GPM6A: variants seen among roughly 807,000 people sequenced by gnomAD.
GPM6A encodes glycoprotein M6A.
GPM6A carries 7 observed loss-of-function variants against 32.1 expected under a neutral mutation model. That is an observed-to-expected ratio of 0.22 (90% CI 0.12 to 0.41). GPM6A has a LOEUF of 0.41. Among genes scored for constraint, GPM6A ranks in the 10% least tolerant of loss-of-function variants. GPM6A has a pLI of 1.00. For synonymous variants in GPM6A, 130 were observed against 123.4 expected, an observed-to-expected ratio of 1.05 and a Z score of -0.35; for missense variants, 235 against 347.2, an observed-to-expected ratio of 0.68 and a Z score of 2.57.
chr4:175,669,007 C>T (rs1231097050), intron 3 of GPM6A, among the ~76,000 whole-genome samples: 1 of 152,168 alleles, frequency 6.6e-6, no homozygotes, highest in Non-Finnish European at 1.5e-5. Context: ...CCAGGCAAGT[C>T]AGTCATCCTC....
chr4:175,745,837 T>C (rs562534156), intron 1 of GPM6A, among the ~76,000 whole-genome samples: 1 of 152,192 alleles, frequency 6.6e-6, no homozygotes, highest in Admixed American at 6.5e-5. Context: ...GGGGGTCAAG[T>C]TGGGAAGACT....
intron 1 of GPM6A, among the ~76,000 whole-genome samples, chr4:175,917,899 T>C (rs1738545871): frequency 6.6e-6 from 1 of 152,152 alleles, no homozygotes; most frequent in South Asian, 2.1e-4. Context: ...TTATAATAAT[T>C]TTTAAATAAC....
chr4:175,670,861 A>ATTCTTTTTT (rs1743017719), intron 3 of GPM6A, among the ~76,000 whole-genome samples: 1 of 124,174 alleles, frequency 8.1e-6, no homozygotes, highest in Non-Finnish European at 1.7e-5. Context: ...ATGTTGCTTC[A>ATTCTTTTTT]TTTTTTTTTT....
chr4:175,884,563 G>A (rs372675668), intron 1 of GPM6A, among the ~76,000 whole-genome samples: 8 of 151,786 alleles, frequency 5.3e-5, no homozygotes, highest in Admixed American at 6.6e-5. Context: ...ATGGAGTCTC[G>A]CTCTGTTGCC....
At chr4:175,716,245 C>G (rs957293814) in intron 1 of GPM6A, among the ~76,000 whole-genome samples, 1 of 152,114 alleles carries the variant, frequency 6.6e-6, no homozygotes, top group African/African-American at 2.4e-5. Flanking sequence ...TCCACCATGT[C>G]CAGCTTGCAG....
At chr4:175,774,692 A>G (rs1319297488) in intron 1 of GPM6A, among the ~76,000 whole-genome samples, 1 of 152,076 alleles carries the variant, frequency 6.6e-6, no homozygotes, top group African/African-American at 2.4e-5. Context: ...CAATTGAACA[A>G]CAGAGCAAAG....
rs114353284 is a variant in GPM6A, at chr4:175,668,732, C to T, written c.387+4948G>A. On this transcript the variant is annotated intron_variant, in intron 3 of 6. Transcript: ENST00000393658. ...CTTGTATTTGTGAAAAGAGACAATT[C>T]GTTATTGTTGATAAAAGCAAAGATT... Among the ~76,000 whole-genome samples the T allele has an allele frequency of 9.2e-3, 1,394 of 152,122 alleles. 24 individuals carry two copies. The highest frequency in any genetic ancestry group is 0.032 in the African/African-American group (1,318 of 41,508).
chr4:175,885,924 A>G (rs1028191643), intron 1 of GPM6A, among the ~76,000 whole-genome samples: 6 of 152,224 alleles, frequency 3.9e-5, no homozygotes, highest in Non-Finnish European at 7.3e-5. Context: ...CACAGACCAC[A>G]TAAGAAATTT....
At chr4:175,924,015 G>T (rs971921608) in intron 1 of GPM6A, among the ~76,000 whole-genome samples, 3 of 152,078 alleles carry the variant, frequency 2.0e-5, no homozygotes, top group African/African-American at 7.2e-5. Context: ...ATTTGTCCTA[G>T]GTATTTCCTT....
chr4:175,762,677 TAAACA>T (rs965131279), intron 1 of GPM6A, among the ~76,000 whole-genome samples: 3 of 151,984 alleles, frequency 2.0e-5, no homozygotes, highest in South Asian at 2.1e-4. Context: ...TCCCAGTGGG[TAAACA>T]AAACAAAACA....
chr4:175,680,796 T>C (rs1175615301), intron 2 of GPM6A, among the ~76,000 whole-genome samples: 2 of 152,240 alleles, frequency 1.3e-5, no homozygotes, highest in African/African-American at 2.4e-5. Context: ...TGTTTGTGTA[T>C]ATGTCTATTT....
intron 1 of GPM6A, among the ~76,000 whole-genome samples, chr4:175,807,930 G>A (rs7665032): frequency 0.49 from 73,802 of 151,962 alleles, 18,287 homozygotes; most frequent in Non-Finnish European, 0.53. Context: ...AATCTATTTG[G>A]TATTTATTTT....
chr4:175,678,500 T>C (rs1056395706), intron 2 of GPM6A, among the ~76,000 whole-genome samples: 1 of 152,154 alleles, frequency 6.6e-6, no homozygotes, highest in South Asian at 2.1e-4. Flanking sequence ...CTAGAGATCC[T>C]GTGACAATAT....
chr4:175,665,699 T>C (rs1742712524), intron 3 of GPM6A, among the ~76,000 whole-genome samples: 1 of 151,442 alleles, frequency 6.6e-6, no homozygotes, highest in African/African-American at 2.4e-5. Context: ...GGAGAATCGT[T>C]TGAACCCAGG....
At chr4:175,987,645 G>T (rs184544845) in intron 1 of GPM6A, among the ~76,000 whole-genome samples, 1 of 151,440 alleles carries the variant, frequency 6.6e-6, no homozygotes, top group Non-Finnish European at 1.5e-5. Flanking sequence ...ACAACTCCAC[G>T]ATTATATATT....
At chr4:175,696,090 T>C (rs931890344) in intron 2 of GPM6A, among the ~76,000 whole-genome samples, 2 of 152,168 alleles carry the variant, frequency 1.3e-5, no homozygotes, top group African/African-American at 4.8e-5. Context: ...ATGTCATTAT[T>C]ATCATAACCA....
At chr4:175,729,337 C>A (rs907576462) in intron 1 of GPM6A, among the ~76,000 whole-genome samples, 2 of 152,090 alleles carry the variant, frequency 1.3e-5, no homozygotes, top group Admixed American at 1.3e-4. Flanking sequence ...GATTAGAATG[C>A]CCCTCTCTCC....
At chr4:175,895,194 C>G (rs1291432333) in intron 1 of GPM6A, among the ~76,000 whole-genome samples, 1 of 152,068 alleles carries the variant, frequency 6.6e-6, no homozygotes, top group African/African-American at 2.4e-5. Context: ...TGAGATGCCA[C>G]CAGTGTAGCC....
chr4:175,706,953 C>G (rs1408997982), intron 1 of GPM6A, among the ~76,000 whole-genome samples: 3 of 152,210 alleles, frequency 2.0e-5, no homozygotes. Context: ...CTATAAGGCA[C>G]TCCCACCAGT....
Sources: gnomAD v4.1 joint callset for allele counts (sites outside exome capture counted in the v4.1 genomes callset) on GRCh38, gnomAD v4.1.1 for gene constraint, MANE v1.5 for transcripts, NCBI Gene and HGNC (gene_info 2026-07-23, HGNC 2026-07-21) for gene names.